Variants in ZNF283 observed in about 807,000 individuals in gnomAD.
ZNF283 encodes zinc finger protein 41.
Under a neutral mutation model 9.2 loss-of-function variants are expected in ZNF283, and 10 were observed. The observed-to-expected ratio is 1.09, with a 90% CI of 0.67 to 1.85. The LOEUF is 1.85. ZNF283 is among the 40% of genes most tolerant of loss of function. ZNF283 has a pLI of 0.00. For missense variants in ZNF283, 631 were observed against 760.1 expected, an observed-to-expected ratio of 0.83 and a Z score of 2.00; for synonymous variants, 234 against 244.1, an observed-to-expected ratio of 0.96 and a Z score of 0.38.
chr19:43,830,066 C>T (rs987339577), intron 2 of ZNF283, among the ~76,000 whole-genome samples: 5 of 152,140 alleles, frequency 3.3e-5, no homozygotes, highest in African/African-American at 1.2e-4. Context: ...TGATCTAGGA[C>T]AGGAACACTT....
At position 43,849,811 on chromosome 19, in the gene ZNF283, T is replaced by C. The variant is rs1327748148; in HGVS notation, c.*1170T>C. 1 of 152,248 alleles carries C rather than the reference T, an allele frequency of 6.6e-6. No homozygotes were observed. The highest frequency in any genetic ancestry group is 2.4e-5 in the African/African-American group (1 of 41,468). The allele number at this position is 152,248 out of a possible 1,614,324, so 9.4% of individuals were successfully genotyped here. A position where few individuals can be genotyped will look rare whatever the true frequency, so the allele number is the denominator to read the frequency against. ...GATTAGATGGATTTAGTATGCATCA[T>C]ATCCTTGGAAGAGTATCTGGTATGT... On this transcript the variant is annotated 3_prime_UTR_variant, in exon 7 of 7. Transcript: ENST00000618787.
intron 6 of ZNF283, among the ~76,000 whole-genome samples, chr19:43,843,466 C>T (rs898234213): frequency 6.6e-6 from 1 of 152,140 alleles, no homozygotes; most frequent in Non-Finnish European, 1.5e-5. Context: ...TGCAAGTGAG[C>T]CTGTCACTTC....
chr19:43,840,232 G>A (rs1246368063), intron 6 of ZNF283, among the ~76,000 whole-genome samples: 1 of 151,988 alleles, frequency 6.6e-6, no homozygotes, highest in Non-Finnish European at 1.5e-5. Flanking sequence ...AAAAGGGGAG[G>A]AAAAAAAGGT....
At chr19:43,840,698 T>A (rs1168473469) in intron 6 of ZNF283, 1 of 153,518 alleles carries the variant, frequency 6.5e-6, no homozygotes, top group Non-Finnish European at 1.4e-5. Context: ...TCTCTTTTTT[T>A]TTTTTGAGAT....
rs1352730502 is a variant in ZNF283, at chr19:43,831,300, A to T, written c.-64-18A>T. 6.4e-7 allele frequency: 1 copy of T among 1,571,844 alleles called. No individual in the cohort carries two copies. Among genetic ancestry groups the T allele is most frequent in the Non-Finnish European group, 8.6e-7 (1 of 1,159,988 alleles). On this transcript the variant is annotated intron_variant, in intron 2 of 6. Transcript: ENST00000618787. The stretch of plus-strand genomic sequence containing the variant: ...TCAGACTTTGAAGGTGGTTTATCTC[A>T]TTTGTGTTGATTTACAGGAGAATCT...
chr19:43,833,486 T>TC lies in ZNF283; in HGVS notation c.1-19_1-18insC. 5.2e-6 allele frequency: 1 copy of TC among 190,574 alleles called. No individual in the cohort carries two copies. The highest frequency in any genetic ancestry group is 9.8e-6 in the Non-Finnish European group (1 of 102,428). The allele number at this position is 190,574 out of a possible 1,614,324, so 11.8% of individuals were successfully genotyped here. On this transcript the variant is annotated intron_variant, in intron 3 of 6. Transcript: ENST00000618787. ...GTTTCTTTCTTCTTTACCTATTTCTTTTTTTTTTTTTTTTTCAGATGGAGT... is the reference window on the plus strand; with the variant it reads ...GTTTCTTTCTTCTTTACCTATTTCTTCTTTTTTTTTTTTTTTCAGATGGAGT...
intron 2 of ZNF283, among the ~76,000 whole-genome samples, chr19:43,830,899 T>C (rs1205579093): frequency 1.9e-5 from 1 of 52,420 alleles, no homozygotes; most frequent in African/African-American, 8.9e-5. Context: ...CAAGACTCCA[T>C]CTAAAAAAAA....
At position 43,847,417 on chromosome 19, in the gene ZNF283, T is replaced by C; in HGVS notation, c.816T>C (p.Phe272=). ...AGTGTAAGGAATGTGGGAAGACCTT[T>C]AGCTGGGGATCAAGCCTTGTTAAAC... ...PYECKECGKT[F]SWGSSLVKHE... is the part of the protein sequence containing the mutation. The change falls in exon 7 of 7, where the codon TTT becomes TTC. Residue 272 remains phenylalanine (F), a synonymous_variant. Transcript: ENST00000618787. 1 of 1,613,994 alleles carries C rather than the reference T, an allele frequency of 6.2e-7. No individual in the cohort carries two copies. The highest frequency in any genetic ancestry group is 8.5e-7 in the Non-Finnish European group (1 of 1,179,934).
chr19:43,847,515 A>G lies in ZNF283; in HGVS notation c.914A>G (p.His305Arg). ...GGGAAGGCCTTTAGTCGTGGCTATC[A>G]CCTTACCCAACATCAGAAAATTCAT... ...ECGKAFSRGY[H>R]LTQHQKIHTG... is the part of the protein sequence containing the mutation. Residue 305 changes from histidine (H) to arginine (R), a missense_variant, in exon 7 of 7, where the codon CAC (histidine) becomes CGC (arginine). This residue lies in a region of ZNF283 where 444 missense variants were observed against 522.5 expected (regional missense o/e 0.85). Transcript: ENST00000618787. The G allele has an allele frequency of 1.2e-6, 2 of 1,602,526 alleles. No individual in the cohort carries two copies. Among genetic ancestry groups the G allele is most frequent in the Non-Finnish European group, 1.7e-6 (2 of 1,171,744 alleles).
chr19:43,834,688 C>T (rs79371986), intron 4 of ZNF283, among the ~76,000 whole-genome samples: 27,240 of 151,976 alleles, frequency 0.18, 2,514 homozygotes, highest in Non-Finnish European at 0.21. Context: ...CTCTGCCTCC[C>T]GGGTTCACGC....
At chr19:43,830,262 G>C (rs1198584955) in intron 2 of ZNF283, among the ~76,000 whole-genome samples, 4 of 151,998 alleles carry the variant, frequency 2.6e-5, no homozygotes, top group Non-Finnish European at 5.9e-5. Context: ...ATTTTTTATA[G>C]AGAGGGGGTT....
rs778454127 is a variant in ZNF283, at chr19:43,835,601, G to T, written c.210+9G>T. The T allele has an allele frequency of 1.3e-6, 2 of 1,579,486 alleles. No homozygotes were observed. Among genetic ancestry groups the T allele is most frequent in the South Asian group, 2.3e-5 (2 of 88,196 alleles). ...CCAGAACCATGACTGATGTAAGTTG[G>T]TATTTTTCTCTCCATGAAATACTGT... On this transcript the variant is annotated intron_variant, in intron 5 of 6. Transcript: ENST00000618787.
intron 3 of ZNF283, among the ~76,000 whole-genome samples, chr19:43,832,938 G>A (rs1357054564): frequency 3.3e-5 from 5 of 150,850 alleles, no homozygotes; most frequent in African/African-American, 1.2e-4. Flanking sequence ...TGAGGTAGGA[G>A]GATCACTTGA....
chr19:43,848,280 A>G lies in ZNF283; in HGVS notation c.1679A>G (p.Gln560Arg). The change falls in exon 7 of 7, where the codon CAA (glutamine) becomes CGA (arginine). Residue 560 changes from glutamine (Q) to arginine (R), a missense_variant. By Grantham distance (43) the Gln-to-Arg change is conservative (BLOSUM62 1). Around this residue, in one of 3 missense-constraint regions of ZNF283, gnomAD observed 444 missense variants for 522.5 expected, o/e 0.85. Coordinates refer to ENST00000618787, the MANE Select transcript of ZNF283 (RefSeq NM_181845.2). ...KAFSRGYHLT[Q>R]HQKIHTGEKP... ...TTTAGTCGTGGCTATCACCTTACTCAACATCAGAAAATTCATACCGGTGAG... is the reference window on the plus strand; with the variant it reads ...TTTAGTCGTGGCTATCACCTTACTCGACATCAGAAAATTCATACCGGTGAG... The G allele has an allele frequency of 5.6e-6, 9 of 1,612,800 alleles. No homozygotes were observed. The highest frequency in any genetic ancestry group is 1.3e-5 in the African/African-American group (1 of 74,686).
rs2146602078 is a variant in ZNF283 at position 43,851,294 on chromosome 19, C to T, written c.*2653C>T. The T allele has an allele frequency of 6.6e-6, 1 of 151,914 alleles. No individual in the cohort carries two copies. The highest frequency in any genetic ancestry group is 2.1e-4 in the South Asian group (1 of 4,818). 9.4% of individuals were successfully genotyped at this position (151,914 alleles called of 1,614,324 possible). On this transcript the variant is annotated 3_prime_UTR_variant, in exon 7 of 7. Coordinates refer to ENST00000618787, the MANE Select transcript of ZNF283 (RefSeq NM_181845.2). ...TATCTCAAGGAATCACCAGTGCTTA[C>T]TAGTACTTGACAATGAAGGAGGATT... is the stretch of plus-strand genomic sequence containing the variant.
At position 43,849,724 on chromosome 19, in the gene ZNF283, T is replaced by C. The variant is rs1971553271; in HGVS notation, c.*1083T>C. On this transcript the variant is annotated 3_prime_UTR_variant, in exon 7 of 7. Transcript: ENST00000618787. ...ACTACCTGTAGGATGGTGAGCAAAA[T>C]GCTTATCTCTTCTGGACATGATGTT... 1 of 152,200 alleles carries C rather than the reference T, an allele frequency of 6.6e-6. No homozygotes were observed. The highest frequency in any genetic ancestry group is 1.5e-5 in the Non-Finnish European group (1 of 68,038). The allele number at this position is 152,200 out of a possible 1,614,324, so 9.4% of individuals were successfully genotyped here. A position where few individuals can be genotyped will look rare whatever the true frequency, so the allele number is the denominator to read the frequency against.
chr19:43,848,503 G>C lies in ZNF283; in HGVS notation c.1902G>C (p.Lys634Asn). The change falls in exon 7 of 7, where the codon AAG (lysine) becomes AAC (asparagine). Residue 634 changes from lysine (K) to asparagine (N), a missense_variant. Physicochemically the swap from Lys to Asn is moderately conservative, Grantham distance 94 (BLOSUM62 0). Transcript: ENST00000618787. ...EKLYQRKEFG[K>N]TFTCGSKLVH... Reference sequence around the variant, plus strand: ...TTTATCAACGTAAGGAATTCGGGAAGACCTTTACTTGTGGCTCAAAACTTG... The same window carrying C: ...TTTATCAACGTAAGGAATTCGGGAACACCTTTACTTGTGGCTCAAAACTTG... 6.2e-7 allele frequency: 1 copy of C among 1,613,480 alleles called. No homozygotes were observed. The highest frequency in any genetic ancestry group is 8.5e-7 in the Non-Finnish European group (1 of 1,179,522).
chr19:43,847,178 T>A lies in ZNF283; in HGVS notation c.577T>A (p.Ser193Thr). The A allele has an allele frequency of 6.2e-7, 1 of 1,613,662 alleles. No homozygotes were observed. The highest frequency in any genetic ancestry group is 8.5e-7 in the Non-Finnish European group (1 of 1,179,720). Residue 193 changes from serine (S) to threonine (T), a missense_variant, in exon 7 of 7, where the codon TCT becomes ACT. Physicochemically the swap from Ser to Thr is moderately conservative, Grantham distance 58 (BLOSUM62 1). Transcript: ENST00000618787. The stretch of plus-strand genomic sequence containing the variant: ...AATACCTTCTTACAGAAAAAGTAAA[T>A]CTCTTACTCCACATCAAAGAATTCA... ...EKIPSYRKSK[S>T]LTPHQRIHNT...
chr19:43,834,320 C>T (rs1265715400), intron 4 of ZNF283, among the ~76,000 whole-genome samples: 3 of 151,974 alleles, frequency 2.0e-5, no homozygotes, highest in Admixed American at 2.0e-4. Context: ...GATGAAATTC[C>T]TCAACTTAGG....
Sources: allele counts gnomAD v4.1 joint callset (sites outside exome capture counted in the v4.1 genomes callset), GRCh38; gene constraint gnomAD v4.1.1; regional missense constraint gnomAD v4.1.1; transcripts MANE v1.5; gene names NCBI Gene and HGNC (gene_info 2026-07-23, HGNC 2026-07-21).